The following OR14C36 variants were observed in gnomAD, a reference collection of about 807,000 sequenced individuals.
The protein encoded by OR14C36 is olfactory receptor family 14 subfamily C member 36, also known as olfactory receptor 14C36.
For synonymous variants in OR14C36, 142 were observed against 146.8 expected, an observed-to-expected ratio of 0.97 and a Z score of 0.24; for missense variants, 404 against 384.8, an observed-to-expected ratio of 1.05 and a Z score of -0.42.
rs752161060 is a variant in OR14C36, at chr1:248,349,183, C to A, written c.409C>A (p.Arg137=). The A allele has an allele frequency of 6.4e-5, 103 of 1,613,832 alleles. No homozygotes were observed. Among genetic ancestry groups the A allele is most frequent in the Non-Finnish European group, 8.6e-5 (102 of 1,180,004 alleles). ...PLHYPVIVNS[R]ICIQMTLASL... Reference sequence around the variant, plus strand: ...TCACTACCCTGTGATCGTGAACTCTCGAATCTGCATCCAGATGACACTGGC... The same window carrying A: ...TCACTACCCTGTGATCGTGAACTCTAGAATCTGCATCCAGATGACACTGGC... The change falls in exon 1 of 1, where the codon CGA becomes AGA. Residue 137 remains arginine, a synonymous_variant. Coordinates refer to ENST00000317861, the MANE Select transcript of OR14C36 (RefSeq NM_001001918.1).
Position 248,349,440 on chromosome 1 carries a change from C to T in OR14C36, c.666C>T (p.Thr222=), listed in dbSNP as rs754845589. The change falls in exon 1 of 1, where the codon ACC becomes ACT. Residue 222 remains threonine, a synonymous_variant. Coordinates refer to ENST00000317861, the MANE Select transcript of OR14C36 (RefSeq NM_001001918.1). ...GGTCTTACATTCACATCTTTTCGACCGTGCTCGGGTTTCCAAGAGGAGCAG... is the reference window on the plus strand; with the variant it reads ...GGTCTTACATTCACATCTTTTCGACTGTGCTCGGGTTTCCAAGAGGAGCAG... ...IIRSYIHIFS[T]VLGFPRGADR... 4 of 1,613,946 alleles carry T rather than the reference C, an allele frequency of 2.5e-6. No individual in the cohort carries two copies. Among genetic ancestry groups the T allele is most frequent in the Non-Finnish European group, 3.4e-6 (4 of 1,179,970 alleles).
In OR14C36 at chr1:248,348,965, T is replaced by C. The variant is rs1660461597; in HGVS notation, c.191T>C (p.Leu64Pro). Reference protein sequence around the residue: ...HMPMYFFLRNLSILDACYISV... With the variant: ...HMPMYFFLRNPSILDACYISV... ...CCCATGTACTTCTTCCTCAGGAATC[T>C]GTCTATCTTGGATGCCTGCTACATT... is the stretch of plus-strand genomic sequence containing the variant. The change falls in exon 1 of 1, where the codon CTG becomes CCG. Residue 64 changes from leucine (L) to proline (P), a missense_variant. Physicochemically the swap from Leu to Pro is moderately conservative, Grantham distance 98. Transcript: ENST00000317861. The C allele has an allele frequency of 6.2e-6, 10 of 1,613,786 alleles. No homozygotes were observed. The highest frequency in any genetic ancestry group is 8.5e-6 in the Non-Finnish European group (10 of 1,179,950).
rs1660462722 is a variant in OR14C36 at position 248,349,024 on chromosome 1, C to T, written c.250C>T (p.Leu84=). 3.1e-6 allele frequency: 5 copies of T among 1,613,638 alleles called. No individual in the cohort carries two copies. The highest frequency in any genetic ancestry group is 4.2e-6 in the Non-Finnish European group (5 of 1,179,960). The change falls in exon 1 of 1, where the codon CTA becomes TTA. Residue 84 remains leucine (L), a synonymous_variant. Coordinates refer to ENST00000317861, the MANE Select transcript of OR14C36 (RefSeq NM_001001918.1). ...VTVPTSCVNS[L]LDSTTISKAG... is the part of the protein sequence containing the mutation. ...AGTCCCTACCTCATGTGTCAATTCC[C>T]TACTGGACAGCACCACCATTTCTAA...
Sources: gnomAD v4.1 joint callset for allele counts on GRCh38, gnomAD v4.1.1 for gene constraint, MANE v1.5 for transcripts, NCBI Gene and HGNC (gene_info 2026-07-23, HGNC 2026-07-21) for gene names.